Variants in ACOXL observed in about 807,000 individuals in gnomAD.
The protein encoded by ACOXL is acyl-CoA oxidase like, also known as acyl-coenzyme A oxidase-like protein.
ACOXL carries 70 observed loss-of-function variants against 71.9 expected under a neutral mutation model. The ratio of observed to expected loss-of-function variants is 0.97; its 90% confidence interval spans 0.80 to 1.19. The LOEUF is 1.19. Ranked by LOEUF, ACOXL falls within the 50% of genes most tolerant of loss-of-function variation. The probability of loss-of-function intolerance (pLI) is 0.00; values close to 1 mark genes in which losing one functional copy is unlikely to be tolerated. For synonymous variants in ACOXL, 253 were observed against 281.6 expected, an observed-to-expected ratio of 0.90 and a Z score of 1.02; for missense variants, 703 against 736.3, an observed-to-expected ratio of 0.95 and a Z score of 0.52.
intron 14 of ACOXL, among the ~76,000 whole-genome samples, chr2:111,030,022 A>G (rs1417826271): frequency 2.0e-5 from 3 of 152,102 alleles, no homozygotes; most frequent in African/African-American, 7.2e-5. Context: ...AGGCCAGTGA[A>G]AAACTTACTC....
intron 17 of ACOXL, among the ~76,000 whole-genome samples, chr2:111,097,790 C>G (rs2068890485): frequency 6.6e-6 from 1 of 152,102 alleles, no homozygotes; most frequent in South Asian, 2.1e-4. Flanking sequence ...AAGCCCAAGT[C>G]CATAATGATA....
chr2:111,020,731 C>T (rs985785601), intron 14 of ACOXL, among the ~76,000 whole-genome samples: 1 of 152,178 alleles, frequency 6.6e-6, no homozygotes, highest in Non-Finnish European at 1.5e-5. Flanking sequence ...GATGTGGGCT[C>T]TCATGCAGCT....
intron 14 of ACOXL, among the ~76,000 whole-genome samples, chr2:111,007,207 A>T: frequency 6.6e-6 from 1 of 152,200 alleles, no homozygotes. Flanking sequence ...TCAAGGCAAT[A>T]CAGTCACCAA....
At chr2:111,004,111 A>G (rs1035919258) in intron 14 of ACOXL, among the ~76,000 whole-genome samples, 1 of 152,212 alleles carries the variant, frequency 6.6e-6, no homozygotes, top group Non-Finnish European at 1.5e-5. Flanking sequence ...AGTCTGGGCA[A>G]TAGTCTTTGG....
At chr2:110,997,170 A>G (rs978519404) in intron 14 of ACOXL, among the ~76,000 whole-genome samples, 3 of 152,236 alleles carry the variant, frequency 2.0e-5, no homozygotes, top group Non-Finnish European at 2.9e-5. Context: ...TTCGAAGACT[A>G]TAGAAGAAAA....
intron 12 of ACOXL, chr2:110,963,687 G>T: frequency 6.2e-7 from 1 of 1,613,762 alleles, no homozygotes; most frequent in Non-Finnish European, 8.5e-7. Flanking sequence ...TGCCACTTTT[G>T]AAGGTGACGA....
intron 9 of ACOXL, among the ~76,000 whole-genome samples, chr2:110,813,426 C>T (rs1237700342): frequency 1.3e-5 from 2 of 152,142 alleles, no homozygotes; most frequent in Non-Finnish European, 2.9e-5. Context: ...TTGGGAGAGG[C>T]TTGCCTTCCT....
At chr2:111,041,631 C>G (rs2065790712) in intron 15 of ACOXL, among the ~76,000 whole-genome samples, 1 of 152,334 alleles carries the variant, frequency 6.6e-6, no homozygotes, top group Admixed American at 6.5e-5. Flanking sequence ...TTGGCTAAGA[C>G]TGGAGCAGGC....
intron 16 of ACOXL, among the ~76,000 whole-genome samples, chr2:111,064,307 G>C (rs934612391): frequency 8.6e-5 from 13 of 152,014 alleles, no homozygotes; most frequent in Non-Finnish European, 1.9e-4. Flanking sequence ...GTGGTGGCGG[G>C]CACCTGTAGT....
intron 9 of ACOXL, among the ~76,000 whole-genome samples, chr2:110,817,134 C>T (rs958452006): frequency 2.6e-5 from 4 of 152,246 alleles, no homozygotes; most frequent in Non-Finnish European, 4.4e-5. Context: ...CAGCCCATCA[C>T]AAGCATCTTT....
chr2:110,836,512 G>T (rs952533628), intron 9 of ACOXL, among the ~76,000 whole-genome samples: 7 of 151,970 alleles, frequency 4.6e-5, no homozygotes, highest in African/African-American at 9.7e-5. Context: ...CTGTTTGAGT[G>T]GTATTATGTG....
chr2:111,115,390 G>T (rs1430601736), intron 17 of ACOXL: 6 of 152,150 alleles, frequency 3.9e-5, no homozygotes, highest in Admixed American at 3.9e-4. Flanking sequence ...GTATTAAAGA[G>T]ATCATATATT....
chr2:110,937,852 T>C (rs2060723288), intron 12 of ACOXL, among the ~76,000 whole-genome samples: 1 of 152,192 alleles, frequency 6.6e-6, no homozygotes, highest in East Asian at 1.9e-4. Flanking sequence ...TTACATAATA[T>C]GGAGATAACA....
intron 12 of ACOXL, among the ~76,000 whole-genome samples, chr2:110,952,687 A>T (rs558630870): frequency 6.6e-6 from 1 of 152,094 alleles, no homozygotes; most frequent in African/African-American, 2.4e-5. Context: ...GGCTAAAATG[A>T]TCCTCCTGCT....
At chr2:111,014,207 T>G (rs1442436125) in intron 14 of ACOXL, among the ~76,000 whole-genome samples, 2 of 152,158 alleles carry the variant, frequency 1.3e-5, no homozygotes, top group Admixed American at 6.5e-5. Context: ...TATTTAACAT[T>G]GTATTGGAGG....
At chr2:110,791,807 A>G (rs1684680158) in intron 3 of ACOXL, among the ~76,000 whole-genome samples, 1 of 152,232 alleles carries the variant, frequency 6.6e-6, no homozygotes, top group South Asian at 2.1e-4. Flanking sequence ...CAGAGAGCTC[A>G]TCCAGATGCA....
intron 9 of ACOXL, among the ~76,000 whole-genome samples, chr2:110,827,501 G>A (rs1043063352): frequency 6.6e-6 from 1 of 152,198 alleles, no homozygotes; most frequent in Non-Finnish European, 1.5e-5. Flanking sequence ...CAGGTGAGGT[G>A]GCCTTAGAGT....
intron 16 of ACOXL, among the ~76,000 whole-genome samples, chr2:111,080,723 C>CAAA (rs2067863451): frequency 6.6e-6 from 1 of 152,038 alleles, no homozygotes; most frequent in African/African-American, 2.4e-5. Flanking sequence ...ACAACAACAA[C>CAAA]AAAATTTCAG....
intron 10 of ACOXL, among the ~76,000 whole-genome samples, chr2:110,847,417 A>G (rs914722296): frequency 6.6e-6 from 1 of 152,158 alleles, no homozygotes; most frequent in Non-Finnish European, 1.5e-5. Context: ...TTATGCTTGT[A>G]TTTCTAAGAA....
Sources: allele counts gnomAD v4.1 joint callset (sites outside exome capture counted in the v4.1 genomes callset), GRCh38; gene constraint gnomAD v4.1.1; transcripts MANE v1.5; gene names NCBI Gene and HGNC (gene_info 2026-07-23, HGNC 2026-07-21).